Variants in SYNE1 observed in about 807,000 individuals in gnomAD.
SYNE1 encodes nesprin-1.
A neutral mutation model predicts 1,111.0 loss-of-function variants in SYNE1; 616 were observed. The ratio of observed to expected loss-of-function variants is 0.55; its 90% CI spans 0.52 to 0.59. The LOEUF (loss-of-function observed/expected upper bound fraction) is 0.59. SYNE1 is among the 20% of genes least tolerant of loss of function. The probability of loss-of-function intolerance (pLI) is 0.00; values close to 1 mark genes in which losing one functional copy is unlikely to be tolerated. For synonymous variants in SYNE1, 3,855 were observed against 3,825.8 expected (o/e 1.01, Z -0.28); for missense variants, 10,006 against 10,417.0 (o/e 0.96, Z 1.72).
chr6:152,455,953 T>C lies in SYNE1; in HGVS notation c.2660A>G (p.Asn887Ser). The C allele has an allele frequency of 6.2e-7, 1 of 1,614,134 alleles. No individual in the cohort carries two copies. The highest frequency in any genetic ancestry group is 8.5e-7 in the Non-Finnish European group (1 of 1,179,996). ...CGTCTGATCAAAATGCTTTAACACG[T>C]TGCTCAAGGTCACAAACTTTTGAAC... Reference protein sequence around the residue: ...QSVQKFVTLSNVLKHFDQTRL... With the variant: ...QSVQKFVTLSSVLKHFDQTRL... Residue 887 changes from asparagine (N) to serine (S), a missense_variant, in exon 23 of 146, where the codon AAC becomes AGC. By Grantham distance (46) the Asn-to-Ser change is conservative. Transcript: ENST00000367255.
Position 152,219,009 on chromosome 6 carries a change from T to A in SYNE1, c.22038A>T (p.Ser7346=). Residue 7346 remains serine (S), a synonymous_variant, in exon 120 of 146, where the codon TCA becomes TCT. Transcript: ENST00000367255. ...LEQALCKQQT[S]LQAGVLDYET... ...CTAAATAGGAGCTCTGTACCTGTAA[T>A]GAAGTCTGCTGTTTGCAGAGAGCTT... 1 of 1,613,978 alleles carries A rather than the reference T, an allele frequency of 6.2e-7. No homozygotes were observed. The highest frequency in any genetic ancestry group is 8.5e-7 in the Non-Finnish European group (1 of 1,179,986).
chr6:152,224,504 T>A lies in SYNE1; in HGVS notation c.21512A>T (p.Asp7171Val). Residue 7171 changes from aspartate to valine, a missense_variant, in exon 117 of 146, where the codon GAC becomes GTC. Transcript: ENST00000367255. ...GSLEAVQVQV[D>V]NLQNLQDDLE... ...AAATTAATTCCTTACCTGAAGATTG[T>A]CCACCTGAACTTGCACAGCTTCTAA... The A allele has an allele frequency of 6.2e-7, 1 of 1,614,000 alleles. No homozygotes were observed. The highest frequency in any genetic ancestry group is 8.5e-7 in the Non-Finnish European group (1 of 1,179,906).
intron 43 of SYNE1, 37 bp downstream of exon 43, chr6:152,409,522 A>C (rs759935740): frequency 1.9e-6 from 3 of 1,610,578 alleles, no homozygotes; most frequent in Non-Finnish European, 2.5e-6. Flanking sequence ...AGATCTACTA[A>C]AGCAGAATAC....
At chr6:152,256,271 T>TA (rs1010929511) in intron 102 of SYNE1, among the ~76,000 whole-genome samples, 11 of 142,064 alleles carry the variant, frequency 7.7e-5, no homozygotes, top group South Asian at 4.5e-4. Context: ...ATAAAAAAAA[T>TA]AAAAAAAAAT....
intron 53 of SYNE1, among the ~76,000 whole-genome samples, chr6:152,389,867 T>C (rs214942): frequency 0.46 from 69,898 of 152,042 alleles, 18,012 homozygotes; most frequent in East Asian, 0.75. Flanking sequence ...ATGGGCGTAG[T>C]ATGACTTCTA....
intron 140 of SYNE1, among the ~76,000 whole-genome samples, chr6:152,139,186 G>A (rs1368479085): frequency 6.6e-6 from 1 of 152,112 alleles, no homozygotes; most frequent in Non-Finnish European, 1.5e-5. Context: ...ATTTTAATTG[G>A]ACATTTCTTA....
intron 18 of SYNE1, 52 bp downstream of exon 18, chr6:152,465,206 C>A: frequency 6.3e-7 from 1 of 1,584,590 alleles, no homozygotes; most frequent in African/African-American, 1.3e-5. Context: ...GTAAAAGTCT[C>A]TCATTTTTAC....
intron 98 of SYNE1, among the ~76,000 whole-genome samples, chr6:152,273,250 A>G (rs1445028873): frequency 6.6e-6 from 1 of 152,258 alleles, no homozygotes; most frequent in African/African-American, 2.4e-5. Context: ...GTACATGCTC[A>G]GTCCAGCCCG....
At chr6:152,430,823 G>T in intron 34 of SYNE1, 114 bp from the exon 35 acceptor site, 1 of 1,030,928 alleles carries the variant, frequency 9.7e-7, no homozygotes, top group South Asian at 1.3e-5. Context: ...TGAAGACTTG[G>T]ATGGTTAGAG....
At chr6:152,562,495 CA>C (rs1394790700) in intron 3 of SYNE1, among the ~76,000 whole-genome samples, 1 of 152,002 alleles carries the variant, frequency 6.6e-6, no homozygotes, top group Non-Finnish European at 1.5e-5. Context: ...GAAGATTTCT[CA>C]AAAAAATTAA....
rs1265003086 is a variant in SYNE1, at chr6:152,447,485, G to C, written c.3642C>G (p.Phe1214Leu). ...CTGACAGCAGCGTCACAAGAGCCTT[G>C]AAAGAGCTGGATAATTTTGCCAGCT... ...GDELAKLSSS[F>L]KALVTLLSEV... is the part of the protein sequence containing the mutation. Residue 1214 changes from phenylalanine (F) to leucine (L), a missense_variant, in exon 29 of 146, where the codon TTC becomes TTG. Around this residue, in one of 7 missense-constraint regions of SYNE1, gnomAD observed 1,971 missense variants for 2,084.1 expected, o/e 0.95. Coordinates refer to ENST00000367255, the MANE Select transcript of SYNE1 (RefSeq NM_182961.4). 5 of 1,614,090 alleles carry C rather than the reference G, an allele frequency of 3.1e-6. No individual in the cohort carries two copies. Among genetic ancestry groups the C allele is most frequent in the Non-Finnish European group, 4.2e-6 (5 of 1,180,048 alleles).
chr6:152,309,263 A>T (rs2095476346), intron 90 of SYNE1, among the ~76,000 whole-genome samples: 3 of 152,220 alleles, frequency 2.0e-5, no homozygotes, highest in Non-Finnish European at 4.4e-5. Flanking sequence ...TGACCAAATG[A>T]GCCACTAGTG....
chr6:152,188,442 A>C (rs1236161618), intron 128 of SYNE1, among the ~76,000 whole-genome samples: 1 of 152,208 alleles, frequency 6.6e-6, no homozygotes, highest in Non-Finnish European at 1.5e-5. Flanking sequence ...GTGCACATAG[A>C]AGGTATTTAA....
intron 100 of SYNE1, among the ~76,000 whole-genome samples, chr6:152,267,387 C>T (rs923423585): frequency 6.6e-6 from 1 of 152,132 alleles, no homozygotes; most frequent in Admixed American, 6.5e-5. Context: ...CACAAAACTT[C>T]TGTGATGACC....
At chr6:152,423,862 G>T (rs2098309479) in intron 39 of SYNE1, among the ~76,000 whole-genome samples, 1 of 152,128 alleles carries the variant, frequency 6.6e-6, no homozygotes, top group African/African-American at 2.4e-5. Context: ...GTGTGGGTCT[G>T]TTTCCTGCAC....
intron 92 of SYNE1, 78 bp from the exon 93 acceptor site, chr6:152,300,859 A>G: frequency 2.5e-6 from 4 of 1,600,676 alleles, no homozygotes; most frequent in Non-Finnish European, 3.4e-6. Context: ...GGCACAGGCC[A>G]AAACAGAGTT....
intron 18 of SYNE1, 83 bp downstream of exon 18, chr6:152,465,175 G>C: frequency 6.9e-7 from 1 of 1,455,878 alleles, no homozygotes; most frequent in South Asian, 1.1e-5. Flanking sequence ...AAATATATGC[G>C]ACCCCCTAGT....
At chr6:152,509,543 C>T (rs1236680573) in intron 8 of SYNE1, among the ~76,000 whole-genome samples, 6 of 152,116 alleles carry the variant, frequency 3.9e-5, no homozygotes, top group Non-Finnish European at 7.4e-5. Context: ...AGGCATGAGT[C>T]ACTGCGTCTG....
Position 152,409,126 on chromosome 6 carries a change from C to T in SYNE1, c.6482G>A (p.Ser2161Asn). The T allele has an allele frequency of 6.2e-7, 1 of 1,614,156 alleles. No homozygotes were observed. The highest frequency in any genetic ancestry group is 8.5e-7 in the Non-Finnish European group (1 of 1,180,006). Reference sequence around the variant, plus strand: ...TGTTTTCACCAAGCTGAAATCACTACTGTGAATTTTCTTCAGCTCAGATAA... The same window carrying T: ...TGTTTTCACCAAGCTGAAATCACTATTGTGAATTTTCTTCAGCTCAGATAA... ...HLLSELKKIH[S>N]SDFSLVKTDM... The change falls in exon 44 of 146, where the codon AGT becomes AAT. Residue 2161 changes from serine to asparagine, a missense_variant. Ser to Asn is a conservative substitution (Grantham distance 46, BLOSUM62 1). This residue lies in a region of SYNE1 where 4,955 missense variants were observed against 5,017.2 expected (regional missense o/e 0.99). Transcript: ENST00000367255.
Sources: allele counts gnomAD v4.1 joint callset (sites outside exome capture counted in the v4.1 genomes callset), GRCh38; gene constraint gnomAD v4.1.1; regional missense constraint gnomAD v4.1.1; transcripts MANE v1.5; gene names NCBI Gene and HGNC (gene_info 2026-07-23, HGNC 2026-07-21).